The following DLGAP1 variants were observed in gnomAD, a reference collection of about 807,000 sequenced individuals.
The protein encoded by DLGAP1 is disks large-associated protein 1.
DLGAP1 carries 11 observed loss-of-function variants against 90.8 expected under a neutral mutation model. The observed-to-expected ratio is 0.12, with a 90% CI of 0.08 to 0.20. The LOEUF (loss-of-function observed/expected upper bound fraction) is 0.20. Ranked by LOEUF, DLGAP1 falls within the 10% of genes least tolerant of loss-of-function variation. The probability of loss-of-function intolerance (pLI) is 1.00; values close to 1 mark genes in which losing one functional copy is unlikely to be tolerated. For missense variants in DLGAP1, 1,050 were observed against 1,333.8 expected (o/e 0.79, Z 3.31); for synonymous variants, 558 against 540.7 (o/e 1.03, Z -0.44).
chr18:4,188,376 G>C (rs916378221), intron 1 of DLGAP1, among the ~76,000 whole-genome samples: 1 of 152,020 alleles, frequency 6.6e-6, no homozygotes, highest in Admixed American at 6.6e-5. Flanking sequence ...ATAGGTATAC[G>C]TTGTGCCATG....
chr18:4,140,344 G>A (rs1327793788), intron 2 of DLGAP1, among the ~76,000 whole-genome samples: 1 of 151,852 alleles, frequency 6.6e-6, no homozygotes, highest in African/African-American at 2.4e-5. Flanking sequence ...ATTTTAAACT[G>A]ATGACAACTT....
At chr18:4,120,876 C>T (rs1354536996) in intron 2 of DLGAP1, among the ~76,000 whole-genome samples, 5 of 152,116 alleles carry the variant, frequency 3.3e-5, no homozygotes, top group South Asian at 4.1e-4. Context: ...CTAGGCACTT[C>T]GTTACTAGGC....
intron 5 of DLGAP1, among the ~76,000 whole-genome samples, chr18:3,792,929 G>A (rs1021709753): frequency 6.6e-6 from 1 of 152,056 alleles, no homozygotes; most frequent in African/African-American, 2.4e-5. Flanking sequence ...CTCCACCTGC[G>A]GCACTGCTGG....
rs2076669976 is a variant in DLGAP1 at position 4,151,179 on chromosome 18, C to T, written c.-159+1G>A. 1 of 152,156 alleles carries T rather than the reference C, an allele frequency of 6.6e-6. No individual in the cohort carries two copies. The highest frequency in any genetic ancestry group is 1.5e-5 in the Non-Finnish European group (1 of 68,040). The allele number at this position is 152,156 out of a possible 1,614,324, so 9.4% of individuals were successfully genotyped here. A position where few individuals can be genotyped will look rare whatever the true frequency, so the allele number is the denominator to read the frequency against. ...GTAAGGGGGAAAGGGGGCAGTTTTA[C>T]CTTTGATTATCAATTGTCCATTTTC... On this transcript the variant is annotated splice_donor_variant, in intron 2 of 12. Coordinates refer to ENST00000315677, the MANE Select transcript of DLGAP1 (RefSeq NM_004746.4). LOFTEE classifies it low-confidence loss of function (5UTR_SPLICE).
chr18:4,356,790 T>C (rs546659411), intron 1 of DLGAP1, among the ~76,000 whole-genome samples: 1 of 152,290 alleles, frequency 6.6e-6, no homozygotes, highest in South Asian at 2.1e-4. Context: ...AAAGACCCTA[T>C]ATATTTTGTT....
chr18:4,236,342 C>T (rs998094890), intron 1 of DLGAP1, among the ~76,000 whole-genome samples: 7 of 152,150 alleles, frequency 4.6e-5, no homozygotes, highest in Non-Finnish European at 7.4e-5. Context: ...ACATTCCTTT[C>T]GCTGGGTCTT....
In DLGAP1 at chr18:3,969,565, A is replaced by T. The variant is rs374586252; in HGVS notation, c.-73+35551T>A. 1.4e-3 allele frequency among the ~76,000 whole-genome samples: 218 copies of T among 152,346 alleles called. 3 individuals carry two copies. The South Asian group carries it at 0.024, about 17-fold the overall frequency. On this transcript the variant is annotated intron_variant, in intron 3 of 12. Transcript: ENST00000315677. ...TATTTGTAAAAGAGATCCAGAAAAA[A>T]GTAGAAGTACCTGTCCTTGCAGAAA...
intron 3 of DLGAP1, among the ~76,000 whole-genome samples, chr18:3,912,303 T>C (rs149273338): frequency 4.6e-5 from 7 of 152,316 alleles, no homozygotes; most frequent in Non-Finnish European, 8.8e-5. Flanking sequence ...ACCTACTGTG[T>C]TAAGTTCTGT....
chr18:3,839,513 A>G (rs2148621802), intron 4 of DLGAP1, among the ~76,000 whole-genome samples: 1 of 152,266 alleles, frequency 6.6e-6, no homozygotes. Context: ...AACTGGGCAA[A>G]GAGAAGAGAG....
At chr18:3,588,726 G>T (rs1487345890) in intron 7 of DLGAP1, among the ~76,000 whole-genome samples, 1 of 148,110 alleles carries the variant, frequency 6.8e-6, no homozygotes, top group South Asian at 2.1e-4. Context: ...GTTGCAGTGA[G>T]CCAAGATCGC....
intron 6 of DLGAP1, 96 bp downstream of exon 6, chr18:3,742,239 G>T: frequency 7.0e-7 from 1 of 1,435,340 alleles, no homozygotes; most frequent in Non-Finnish European, 9.5e-7. Context: ...TGGTCTACTG[G>T]ATGAATGACT....
intron 3 of DLGAP1, among the ~76,000 whole-genome samples, chr18:3,992,737 C>G (rs7242020): frequency 6.6e-6 from 1 of 152,056 alleles, no homozygotes; most frequent in African/African-American, 2.4e-5. Context: ...CTGGAAAAAT[C>G]AACTGATCTA....
At chr18:3,710,037 G>C (rs1214278846) in intron 7 of DLGAP1, among the ~76,000 whole-genome samples, 2 of 152,156 alleles carry the variant, frequency 1.3e-5, no homozygotes, top group African/African-American at 4.8e-5. Context: ...TTTAAAATAG[G>C]GAGCTGCTAT....
chr18:4,447,317 A>T (rs2083692860), intron 1 of DLGAP1, among the ~76,000 whole-genome samples: 1 of 152,192 alleles, frequency 6.6e-6, no homozygotes, highest in African/African-American at 2.4e-5. Flanking sequence ...ATCAGTAAAA[A>T]TGAATAAATC....
intron 1 of DLGAP1, among the ~76,000 whole-genome samples, chr18:4,289,617 A>T (rs2079795786): frequency 6.6e-6 from 1 of 152,148 alleles, no homozygotes; most frequent in East Asian, 1.9e-4. Flanking sequence ...GAGTGGAGGT[A>T]TTTCCTTCAA....
At chr18:4,407,391 T>C (rs186229125) in intron 1 of DLGAP1, among the ~76,000 whole-genome samples, 57 of 152,314 alleles carry the variant, frequency 3.7e-4, no homozygotes, top group Admixed American at 3.9e-4. Context: ...AGAGGGAATT[T>C]GAATGTAAAC....
chr18:3,686,677 T>C (rs1220627122), intron 7 of DLGAP1, among the ~76,000 whole-genome samples: 1 of 152,138 alleles, frequency 6.6e-6, no homozygotes, highest in Non-Finnish European at 1.5e-5. Context: ...AGGTTCTCAG[T>C]TGACTTTTAA....
chr18:3,822,885 C>G (rs572963329), intron 4 of DLGAP1, among the ~76,000 whole-genome samples: 2 of 152,282 alleles, frequency 1.3e-5, no homozygotes, highest in East Asian at 3.9e-4. Flanking sequence ...GTAGAATGCA[C>G]CTGTAGTCCC....
chr18:3,596,619 C>T, intron 7 of DLGAP1: 1 of 276,158 alleles, frequency 3.6e-6, no homozygotes, highest in South Asian at 3.1e-5. Context: ...ATTACAAGAT[C>T]AGGCACTGCT....
Sources: gnomAD v4.1 joint callset for allele counts (sites outside exome capture counted in the v4.1 genomes callset) on GRCh38, gnomAD v4.1.1 for gene constraint, MANE v1.5 for transcripts, NCBI Gene and HGNC (gene_info 2026-07-23, HGNC 2026-07-21) for gene names.